PI4KA: variants seen among roughly 807,000 people sequenced by gnomAD.
PI4KA encodes PI4-kinase alpha.
PI4KA carries 122 observed loss-of-function variants against 271.4 expected under a neutral mutation model. That is an observed-to-expected ratio of 0.45 (90% CI 0.39 to 0.52). The LOEUF is 0.52. Among genes scored for constraint, PI4KA ranks in the 20% least tolerant of loss-of-function variants. PI4KA has a pLI of 0.00. For missense variants in PI4KA, 1,969 were observed against 2,769.1 expected, an observed-to-expected ratio of 0.71 and a Z score of 6.48; for synonymous variants, 1,041 against 1,078.8, an observed-to-expected ratio of 0.96 and a Z score of 0.69.
At position 20,807,469 on chromosome 22, in the gene PI4KA, G is replaced by A. The variant is rs1231214365; in HGVS notation, c.1072-11C>T. ...AGCACTGGGGTTGGCCTGCAGGGAA[G>A]GCAGACACACATGACTATAGAACAG... On this transcript the variant is annotated splice_polypyrimidine_tract_variant and intron_variant, in intron 9 of 54. Coordinates refer to ENST00000255882, the MANE Select transcript of PI4KA (RefSeq NM_058004.4). 3 of 1,523,618 alleles carry A rather than the reference G, an allele frequency of 2.0e-6. No individual in the cohort carries two copies. The highest frequency in any genetic ancestry group is 2.7e-6 in the Non-Finnish European group (3 of 1,097,772). The allele number at this position is 1,523,618 out of a possible 1,614,324, so 94.4% of individuals were successfully genotyped here. A position where few individuals can be genotyped will look rare whatever the true frequency, so the allele number is the denominator to read the frequency against.
intron 7 of PI4KA, 35 bp downstream of exon 7, chr22:20,818,448 T>C: frequency 6.6e-7 from 1 of 1,505,838 alleles, no homozygotes; most frequent in South Asian, 1.2e-5. Context: ...CTCCAAGTAT[T>C]ACGTCAAAAT....
intron 19 of PI4KA, among the ~76,000 whole-genome samples, chr22:20,771,712 G>C (rs1462299592): frequency 6.6e-6 from 1 of 151,884 alleles, no homozygotes; most frequent in Non-Finnish European, 1.5e-5. Context: ...CTCCCGAGTA[G>C]CTGGGACTAC....
chr22:20,751,919 T>A (rs925773259), intron 25 of PI4KA, among the ~76,000 whole-genome samples, 164 bp from the exon 26 acceptor site: 1 of 152,178 alleles, frequency 6.6e-6, no homozygotes, highest in South Asian at 2.1e-4. Flanking sequence ...CTCAGGCTCA[T>A]TGCAGTAAGG....
rs1334520847 is a variant in PI4KA, at chr22:20,710,487, T to C, written c.6083+212A>G. 4 of 604,184 alleles carry C rather than the reference T, an allele frequency of 6.6e-6. No individual in the cohort carries two copies. The African/African-American group carries it at 7.4e-5, about 11-fold the overall frequency. 37.4% of individuals were successfully genotyped at this position (604,184 alleles called of 1,614,324 possible). On this transcript the variant is annotated intron_variant, in intron 52 of 54. Coordinates refer to ENST00000255882, the MANE Select transcript of PI4KA (RefSeq NM_058004.4). ...CCCATGGCTGAAGGCGTGGGCAGGA[T>C]CGTGGGGAAGGTGGTTGGAATTAGA...
Position 20,858,767 on chromosome 22 carries a change from T to G in PI4KA, c.-42A>C, listed in dbSNP as rs922791084. 1 of 1,370,740 alleles carries G rather than the reference T, an allele frequency of 7.3e-7. No homozygotes were observed. The highest frequency in any genetic ancestry group is 1.5e-5 in the South Asian group (1 of 64,692). The allele number at this position is 1,370,740 out of a possible 1,614,324, so 84.9% of individuals were successfully genotyped here. A position where few individuals can be genotyped will look rare whatever the true frequency, so the allele number is the denominator to read the frequency against. ...GCGCTGCCCGCCGGCTCCCCGCTCC[T>G]GGCCCGCGAGCGCCCGACCTCAGGG... On this transcript the variant is annotated 5_prime_UTR_variant, in exon 1 of 55. Coordinates refer to ENST00000255882, the MANE Select transcript of PI4KA (RefSeq NM_058004.4).
chr22:20,784,299 G>C (rs1296550053), intron 19 of PI4KA: 22 of 1,611,160 alleles, frequency 1.4e-5, no homozygotes, highest in Non-Finnish European at 1.8e-5. Flanking sequence ...GGGGGTGTCT[G>C]GGAATACTGG....
intron 1 of PI4KA, among the ~76,000 whole-genome samples, chr22:20,851,189 A>C (rs200522751): frequency 6.6e-6 from 1 of 151,156 alleles, no homozygotes; most frequent in Non-Finnish European, 1.5e-5. Context: ...GTGAGACCCT[A>C]TCTATTTTTT....
intron 45 of PI4KA, among the ~76,000 whole-genome samples, chr22:20,716,625 C>A (rs1926031022): frequency 1.3e-5 from 2 of 152,178 alleles, no homozygotes; most frequent in African/African-American, 4.8e-5. Flanking sequence ...TAGAGCCCTG[C>A]TGGCTTCCCT....
At position 20,824,537 on chromosome 22, in the gene PI4KA, G is replaced by A; in HGVS notation, c.368-123C>T. The A allele has an allele frequency of 4.7e-6, 3 of 640,756 alleles. No individual in the cohort carries two copies. The South Asian group carries it at 5.9e-5, about 13-fold the overall frequency. The allele number at this position is 640,756 out of a possible 1,614,324, so 39.7% of individuals were successfully genotyped here. ...GCCAAGGGACCAGTTTACAGCAGCT[G>A]CCCTCCTTGAGACGAGTCTCAAAAG... On this transcript the variant is annotated intron_variant, in intron 3 of 54. Coordinates refer to ENST00000255882, the MANE Select transcript of PI4KA (RefSeq NM_058004.4).
At chr22:20,762,548 G>T (rs1160937762) in intron 22 of PI4KA, among the ~76,000 whole-genome samples, 1 of 152,164 alleles carries the variant, frequency 6.6e-6, no homozygotes, top group Non-Finnish European at 1.5e-5. Context: ...CCCGTCCTGA[G>T]AACCTGAGAA....
Position 20,804,379 on chromosome 22 carries a change from T to C in PI4KA, c.1382A>G (p.Lys461Arg), listed in dbSNP as rs1935514643. ...CTTGGACTGCAGCTTCTCAGATAGC[T>C]TGATGCAAAGGTTTTCTGCACCTTA... ...DEQGAENLCI[K>R]LSEKLQSKTS... The change falls in exon 12 of 55, where the codon AAG becomes AGG. Residue 461 changes from lysine (K) to arginine (R), a missense_variant. By Grantham distance (26) the Lys-to-Arg change is conservative (BLOSUM62 2). Around this residue, in one of 13 missense-constraint regions of PI4KA, gnomAD observed 14 missense variants for 34.0 expected, o/e 0.41. Coordinates refer to ENST00000255882, the MANE Select transcript of PI4KA (RefSeq NM_058004.4). 1 of 1,613,734 alleles carries C rather than the reference T, an allele frequency of 6.2e-7. No individual in the cohort carries two copies.
rs756494243 is a variant in PI4KA, at chr22:20,712,685, G to C, written c.5676+8C>G. On this transcript the variant is annotated splice_region_variant and intron_variant, in intron 49 of 54. Transcript: ENST00000255882. ...GGCTGCCCTACTGGCTCCACTCAGG[G>C]AACTTACCCCAGGGGCAGTGGCCAC... is the stretch of plus-strand genomic sequence containing the variant. 144 of 1,554,134 alleles carry C rather than the reference G, an allele frequency of 9.3e-5. No homozygotes were observed. The highest frequency in any genetic ancestry group is 3.3e-4 in the African/African-American group (24 of 72,792).
At position 20,757,663 on chromosome 22, in the gene PI4KA, C is replaced by T. The variant is rs1193984785; in HGVS notation, c.2791+3641G>A. ...GGTTCAAGTGATTCTCCTGCCTTGGCCTCCCAAGTAGCCAGGACTACAGGC... is the reference window on the plus strand; with the variant it reads ...GGTTCAAGTGATTCTCCTGCCTTGGTCTCCCAAGTAGCCAGGACTACAGGC... On this transcript the variant is annotated intron_variant, in intron 23 of 54. Transcript: ENST00000255882. Among the ~76,000 whole-genome samples the T allele has an allele frequency of 2.0e-5, 3 of 152,084 alleles. No homozygotes were observed. In the East Asian group the frequency reaches 5.8e-4, roughly 29 times the overall value.
chr22:20,758,644 G>A (rs191805527), intron 23 of PI4KA, among the ~76,000 whole-genome samples: 1 of 152,074 alleles, frequency 6.6e-6, no homozygotes, highest in African/African-American at 2.4e-5. Flanking sequence ...GACGGATGAG[G>A]GGAACAGATC....
intron 44 of PI4KA, among the ~76,000 whole-genome samples, 169 bp downstream of exon 44, chr22:20,718,524 C>T (rs1926295760): frequency 1.3e-5 from 2 of 152,234 alleles, no homozygotes. Flanking sequence ...AGTGCTTCCC[C>T]ACCCACCCTG....
intron 19 of PI4KA, chr22:20,783,896 C>A: frequency 6.2e-7 from 1 of 1,601,148 alleles, no homozygotes; most frequent in Non-Finnish European, 8.6e-7. Context: ...CCAGGGAAAT[C>A]AGATTCACTC....
At chr22:20,771,402 G>A (rs8135869) in intron 19 of PI4KA, among the ~76,000 whole-genome samples, 3,912 of 148,044 alleles carry the variant, frequency 0.026, 167 homozygotes, top group African/African-American at 0.093. Flanking sequence ...CAGCCTGGGC[G>A]ACAGAGCGAG....
intron 36 of PI4KA, among the ~76,000 whole-genome samples, chr22:20,731,021 C>T (rs1039515064): frequency 1.8e-4 from 28 of 151,972 alleles, no homozygotes; most frequent in African/African-American, 6.5e-4. Context: ...TCTACAACAA[C>T]AATAAAAATT....
intron 1 of PI4KA, among the ~76,000 whole-genome samples, chr22:20,846,279 AAAAAG>A (rs1569097533): frequency 1.3e-5 from 2 of 151,080 alleles, no homozygotes; most frequent in Non-Finnish European, 3.0e-5. Context: ...AAAAAAAAAA[AAAAAG>A]AAAAGAAGAA....
Sources: gnomAD v4.1 joint callset for allele counts (sites outside exome capture counted in the v4.1 genomes callset) on GRCh38, gnomAD v4.1.1 for gene constraint, gnomAD v4.1.1 regional missense constraint, MANE v1.5 for transcripts, NCBI Gene and HGNC (gene_info 2026-07-23, HGNC 2026-07-21) for gene names.